The following TAB1 variants were observed in gnomAD, a reference collection of about 807,000 sequenced individuals.
TAB1 encodes the protein TGF-beta-activated kinase 1 and MAP3K7-binding protein 1.
TAB1 carries 30 observed loss-of-function variants against 54.5 expected under a neutral mutation model. That is an observed-to-expected ratio of 0.55 (90% CI 0.41 to 0.75). TAB1 has a LOEUF of 0.75. Among genes scored for constraint, TAB1 ranks in the 30% least tolerant of loss-of-function variants. TAB1 has a pLI of 0.00. For missense variants in TAB1, 609 were observed against 683.2 expected, an observed-to-expected ratio of 0.89 and a Z score of 1.21; for synonymous variants, 289 against 286.9, an observed-to-expected ratio of 1.01 and a Z score of -0.07.
chr22:39,422,412 T>C (rs913323408), intron 8 of TAB1, among the ~76,000 whole-genome samples: 2 of 141,218 alleles, frequency 1.4e-5, no homozygotes, highest in African/African-American at 2.6e-5. Context: ...TTTTTTTTTT[T>C]TTTTTTTTTT....
chr22:39,434,638 C>CT (rs1261674586), downstream of TAB1, among the ~76,000 whole-genome samples: 1 of 152,248 alleles, frequency 6.6e-6, no homozygotes, highest in Non-Finnish European at 1.5e-5. Flanking sequence ...GACACAGTGT[C>CT]TGACAGCTGG....
intron 1 of TAB1, 65 bp downstream of exon 1, chr22:39,399,900 A>G: frequency 6.5e-7 from 1 of 1,528,780 alleles, no homozygotes; most frequent in South Asian, 1.2e-5. Context: ...TGTCGGGTGC[A>G]GGAACGGCTC....
intron 9 of TAB1, among the ~76,000 whole-genome samples, chr22:39,427,369 A>G (rs1927395355): frequency 6.6e-6 from 1 of 152,232 alleles, no homozygotes. Flanking sequence ...AGGCATGTGG[A>G]CAGATGGTCA....
chr22:39,425,926 C>T (rs572110891), intron 8 of TAB1, among the ~76,000 whole-genome samples: 35 of 149,042 alleles, frequency 2.3e-4, no homozygotes, highest in African/African-American at 7.7e-4. Flanking sequence ...AGGCTGGTCT[C>T]GGCTCCCTGC....
At chr22:39,429,444 T>C (rs1025927201) in intron 10 of TAB1, 12 of 805,006 alleles carry the variant, frequency 1.5e-5, no homozygotes, top group African/African-American at 1.9e-5. Flanking sequence ...TCTAGCCACT[T>C]GTGGCTATTA....
intron 1 of TAB1, among the ~76,000 whole-genome samples, chr22:39,400,605 G>A (rs1056262573): frequency 3.3e-5 from 5 of 152,210 alleles, no homozygotes; most frequent in African/African-American, 4.8e-5. Context: ...CCTCTGACGC[G>A]TATGTGCACA....
chr22:39,411,928 A>G (rs560546616), intron 1 of TAB1, among the ~76,000 whole-genome samples: 34 of 152,364 alleles, frequency 2.2e-4, no homozygotes, highest in African/African-American at 7.7e-4. Flanking sequence ...ACACAGGCTA[A>G]CAACTTGGAT....
At chr22:39,412,892 C>CTTTTTTT (rs34847488) in intron 1 of TAB1, among the ~76,000 whole-genome samples, 10 of 90,452 alleles carry the variant, frequency 1.1e-4, no homozygotes, top group Non-Finnish European at 1.6e-4. Flanking sequence ...TATCCTGCAA[C>CTTTTTTT]TTTTTTTTTT....
At chr22:39,420,173 C>G (rs1046659861) in intron 7 of TAB1, among the ~76,000 whole-genome samples, 6 of 152,212 alleles carry the variant, frequency 3.9e-5, no homozygotes, top group African/African-American at 1.4e-4. Flanking sequence ...GGGCAGTCAT[C>G]ATCACACGGC....
chr22:39,419,634 G>A lies in TAB1; in HGVS notation c.776+4G>A, dbSNP rs1228773461. 6.3e-7 allele frequency: 1 copy of A among 1,599,312 alleles called. No individual in the cohort carries two copies. Among genetic ancestry groups the A allele is most frequent in the Admixed American group, 1.7e-5 (1 of 59,506 alleles). ...ACACGGACATTGACCTTCTCAGGTA[G>A]GTGCCAGCCCAGCTGTCCCCTGTGC... is the stretch of plus-strand genomic sequence containing the variant. On this transcript the variant is annotated splice_donor_region_variant and intron_variant, in intron 7 of 10. Transcript: ENST00000216160.
downstream of TAB1, among the ~76,000 whole-genome samples, chr22:39,435,259 T>A (rs1927739305): frequency 6.6e-6 from 1 of 152,210 alleles, no homozygotes; most frequent in Non-Finnish European, 1.5e-5. Flanking sequence ...AAAAGTAACA[T>A]TTTGAAATTA....
chr22:39,417,493 G>A (rs1423935388), intron 4 of TAB1, among the ~76,000 whole-genome samples: 2 of 152,100 alleles, frequency 1.3e-5, no homozygotes, highest in African/African-American at 2.4e-5. Context: ...GGTGGTGGGC[G>A]CCTTGTAGTC....
At chr22:39,433,731 G>A (rs5757670), downstream of TAB1, 686,542 of 985,222 alleles carry the variant, frequency 0.7, 240,010 homozygotes, top group East Asian at 0.96. Flanking sequence ...TGGCAGTGGG[G>A]GCAGCCGGGC....
In TAB1 at chr22:39,428,106, C is replaced by T; in HGVS notation, c.1230C>T (p.Val410=). 6.2e-7 allele frequency: 1 copy of T among 1,613,902 alleles called. No homozygotes were observed. Among genetic ancestry groups the T allele is most frequent in the Non-Finnish European group, 8.5e-7 (1 of 1,179,804 alleles). Residue 410 remains valine, a synonymous_variant, in exon 10 of 11, where the codon GTC becomes GTT. Coordinates refer to ENST00000216160, the MANE Select transcript of TAB1 (RefSeq NM_006116.3). ...AGACCAGCGTGACCCTCTCCCTTGT[C>T]ATGCCCTCCCAGGGCCAGATGGTCA... The part of the protein sequence containing the change: ...TSKTSVTLSL[V]MPSQGQMVNG...
At chr22:39,406,823 C>T (rs372506884) in intron 1 of TAB1, among the ~76,000 whole-genome samples, 85 of 152,148 alleles carry the variant, frequency 5.6e-4, no homozygotes, top group Non-Finnish European at 8.8e-4. Context: ...TTAGTAGAGA[C>T]GGGGTTTCAC....
In TAB1 at chr22:39,402,072, C is replaced by T. The variant is rs1926168424; in HGVS notation, c.33+2237C>T. Among the ~76,000 whole-genome samples the T allele has an allele frequency of 2.0e-5, 3 of 152,116 alleles. No homozygotes were observed. In the South Asian group the frequency reaches 6.2e-4, roughly 32 times the overall value. ...ACCTGTGTCAAGAGCCCTGGGCAGA[C>T]AGCAGAGAATTTTAGAGGCTTTAAA... On this transcript the variant is annotated intron_variant, in intron 1 of 10. Transcript: ENST00000216160.
intron 1 of TAB1, among the ~76,000 whole-genome samples, chr22:39,408,323 C>G (rs1926459587): frequency 6.6e-6 from 1 of 152,184 alleles, no homozygotes; most frequent in Non-Finnish European, 1.5e-5. Flanking sequence ...CAGCCAAATA[C>G]AGCACAGCAT....
At position 39,426,930 on chromosome 22, in the gene TAB1, G is replaced by C. The variant is rs779339819; in HGVS notation, c.1144+5G>C. The C allele has an allele frequency of 6.2e-7, 1 of 1,609,664 alleles. No individual in the cohort carries two copies. The highest frequency in any genetic ancestry group is 1.1e-5 in the South Asian group (1 of 91,010). On this transcript the variant is annotated splice_donor_5th_base_variant and intron_variant, in intron 9 of 10. Coordinates refer to ENST00000216160, the MANE Select transcript of TAB1 (RefSeq NM_006116.3). ...CCACACCGAGCCCAGCCCCAGGTACGTGTGCTGTGCAGACAGGCAGTGCCT... is the reference window on the plus strand; with the variant it reads ...CCACACCGAGCCCAGCCCCAGGTACCTGTGCTGTGCAGACAGGCAGTGCCT...
chr22:39,426,928 A>G lies in TAB1; in HGVS notation c.1144+3A>G. ...GCCCACACCGAGCCCAGCCCCAGGT[A>G]CGTGTGCTGTGCAGACAGGCAGTGC... On this transcript the variant is annotated splice_donor_region_variant and intron_variant, in intron 9 of 10. Transcript: ENST00000216160. 6.2e-7 allele frequency: 1 copy of G among 1,610,172 alleles called. No individual in the cohort carries two copies. The highest frequency in any genetic ancestry group is 8.5e-7 in the Non-Finnish European group (1 of 1,179,564).
Sources: allele counts gnomAD v4.1 joint callset (sites outside exome capture counted in the v4.1 genomes callset), GRCh38; gene constraint gnomAD v4.1.1; transcripts MANE v1.5; gene names NCBI Gene and HGNC (gene_info 2026-07-23, HGNC 2026-07-21).